Variants in ROBO1 observed in about 807,000 individuals in gnomAD.
ROBO1 encodes the protein roundabout homolog 1.
A neutral mutation model predicts 195.9 loss-of-function variants in ROBO1; 149 were observed. The observed-to-expected ratio is 0.76, with a 90% CI of 0.67 to 0.87. ROBO1 has a LOEUF of 0.87. ROBO1 is among the 40% of genes least tolerant of loss of function. The probability of loss-of-function intolerance (pLI) is 0.00; values close to 1 mark genes in which losing one functional copy is unlikely to be tolerated. For synonymous variants in ROBO1, 816 were observed against 733.2 expected, an observed-to-expected ratio of 1.11 and a Z score of -1.82; for missense variants, 1,933 against 2,068.3, an observed-to-expected ratio of 0.93 and a Z score of 1.27.
chr3:79,392,781 T>C (rs2037001855), intron 2 of ROBO1, among the ~76,000 whole-genome samples: 1 of 152,020 alleles, frequency 6.6e-6, no homozygotes, highest in Admixed American at 6.6e-5. Context: ...ACAATGAACA[T>C]CCTAAGAAAA....
At chr3:79,767,728 C>T (rs13075498) in intron 1 of ROBO1, 24 bp downstream of exon 1, 53,162 of 152,152 alleles carry the variant, frequency 0.35, 9,959 homozygotes, top group Middle Eastern at 0.53. Flanking sequence ...TGTCACTTCC[C>T]TTGCAACCAT....
intron 3 of ROBO1, among the ~76,000 whole-genome samples, chr3:79,006,805 T>A (rs552491183): frequency 4.0e-5 from 6 of 150,304 alleles, no homozygotes; most frequent in Admixed American, 4.0e-4. Context: ...ATTGTGAGAC[T>A]GTGACTTTAG....
chr3:78,970,393 T>C (rs1320421801), intron 3 of ROBO1, among the ~76,000 whole-genome samples: 4 of 152,118 alleles, frequency 2.6e-5, no homozygotes, highest in African/African-American at 9.7e-5. Context: ...AATACTACAC[T>C]GCAGGGTGAT....
chr3:79,470,221 T>G (rs887744953), intron 2 of ROBO1, among the ~76,000 whole-genome samples: 1 of 152,146 alleles, frequency 6.6e-6, no homozygotes, highest in African/African-American at 2.4e-5. Context: ...CATGGAATAC[T>G]ATGCAGCCAT....
intron 2 of ROBO1, among the ~76,000 whole-genome samples, chr3:79,288,787 C>T (rs2032053082): frequency 6.6e-6 from 1 of 151,986 alleles, no homozygotes; most frequent in African/African-American, 2.4e-5. Flanking sequence ...TTTTATATCT[C>T]GACCTTTTTT....
intron 4 of ROBO1, among the ~76,000 whole-genome samples, chr3:78,933,442 A>G (rs1474074570): frequency 1.3e-5 from 2 of 152,084 alleles, no homozygotes; most frequent in African/African-American, 4.8e-5. Context: ...CCCATCAAAT[A>G]CAGAATGCAT....
At chr3:79,599,789 C>CTTAATCAGAATTAATCAGAA (rs1275141027) in intron 1 of ROBO1, among the ~76,000 whole-genome samples, 1 of 151,876 alleles carries the variant, frequency 6.6e-6, no homozygotes. Context: ...AGTTTTCTGA[C>CTTAATCAGAATTAATCAGAA]TTGCTTAAAA....
intron 4 of ROBO1, among the ~76,000 whole-genome samples, chr3:78,855,632 G>A (rs2034367066): frequency 6.6e-6 from 1 of 152,112 alleles, no homozygotes; most frequent in South Asian, 2.1e-4. Context: ...ATTATTATGT[G>A]TCTTTAAACT....
intron 1 of ROBO1, among the ~76,000 whole-genome samples, chr3:79,619,828 C>G (rs945486736): frequency 2.0e-5 from 3 of 152,152 alleles, no homozygotes; most frequent in African/African-American, 7.2e-5. Flanking sequence ...TTTTATTACC[C>G]AATCCACTCC....
At chr3:79,635,333 G>T (rs1391706525) in intron 1 of ROBO1, among the ~76,000 whole-genome samples, 4 of 152,080 alleles carry the variant, frequency 2.6e-5, no homozygotes, top group East Asian at 1.9e-4. Context: ...TTCCAACAGG[G>T]TGTATAAGAT....
chr3:78,741,740 T>G (rs919171814), intron 5 of ROBO1, among the ~76,000 whole-genome samples: 13 of 152,126 alleles, frequency 8.5e-5, no homozygotes. Context: ...TGGATATGAT[T>G]AAGTCTCAAA....
intron 2 of ROBO1, among the ~76,000 whole-genome samples, chr3:79,494,764 GAA>G (rs1056870910): frequency 6.6e-6 from 1 of 151,998 alleles, no homozygotes; most frequent in African/African-American, 2.4e-5. Flanking sequence ...AGATATAACA[GAA>G]AAAAATATTA....
At chr3:79,316,829 T>C (rs780103257) in intron 2 of ROBO1, among the ~76,000 whole-genome samples, 1 of 152,094 alleles carries the variant, frequency 6.6e-6, no homozygotes, top group Admixed American at 6.6e-5. Context: ...TCAATGGCCA[T>C]AAAGATTACC....
chr3:79,298,351 T>A (rs1244445519), intron 2 of ROBO1, among the ~76,000 whole-genome samples: 1 of 152,082 alleles, frequency 6.6e-6, no homozygotes, highest in East Asian at 1.9e-4. Context: ...TTTTTCTTTT[T>A]AAAAATGGTC....
At chr3:78,675,610 G>C (rs1366721698) in intron 10 of ROBO1, among the ~76,000 whole-genome samples, 1 of 152,182 alleles carries the variant, frequency 6.6e-6, no homozygotes, top group Admixed American at 6.5e-5. Context: ...CAGCGAGGCT[G>C]GGGGAGGGGG....
In ROBO1 at chr3:79,461,904, ATT is replaced by A. The variant is rs374740836; in HGVS notation, c.88+127918_88+127919del. ...TTGTCAAAAAAAGGTTGTGTAAAGA[ATT>A]TTTCCTAAAAAACAATCCAAACTAA... On this transcript the variant is annotated intron_variant, in intron 2 of 30. Transcript: ENST00000464233. 2.8e-3 allele frequency among the ~76,000 whole-genome samples: 420 copies of A among 152,292 alleles called. 1 individual carries two copies. Among genetic ancestry groups the A allele is most frequent in the Non-Finnish European group, 4.2e-3 (287 of 68,022 alleles).
chr3:79,382,504 C>T (rs912205426), intron 2 of ROBO1, among the ~76,000 whole-genome samples: 2 of 152,086 alleles, frequency 1.3e-5, no homozygotes, highest in Non-Finnish European at 2.9e-5. Context: ...ATAATAGATG[C>T]TGCTAATTAA....
At chr3:78,959,916 A>G (rs1232976938) in intron 3 of ROBO1, among the ~76,000 whole-genome samples, 1 of 152,212 alleles carries the variant, frequency 6.6e-6, no homozygotes, top group East Asian at 1.9e-4. Context: ...ACCAAGGATT[A>G]TTAGTCAAAA....
chr3:79,381,355 C>CAAAAA (rs61680946), intron 2 of ROBO1, among the ~76,000 whole-genome samples: 106 of 60,614 alleles, frequency 1.7e-3, no homozygotes, highest in Admixed American at 3.9e-3. Flanking sequence ...AACTCCGTCT[C>CAAAAA]AAAAAAAAAA....
Sources: allele counts gnomAD v4.1 joint callset (sites outside exome capture counted in the v4.1 genomes callset), GRCh38; gene constraint gnomAD v4.1.1; transcripts MANE v1.5; gene names NCBI Gene and HGNC (gene_info 2026-07-23, HGNC 2026-07-21).